BID: variants seen among roughly 807,000 people sequenced by gnomAD.
The protein encoded by BID is BH3 interacting domain death agonist, also known as BH3-interacting domain death agonist.
In BID, 19 loss-of-function variants were observed where a neutral mutation model predicts 17.4. That is an observed-to-expected ratio of 1.09 (90% CI 0.76 to 1.60). BID has a LOEUF of 1.60. BID is among the 40% of genes most tolerant of loss of function. The pLI, the probability that BID is intolerant of heterozygous loss-of-function variation, is 0.00. For missense variants in BID, 226 were observed against 256.0 expected (o/e 0.88, Z 0.80); for synonymous variants, 108 against 102.8 (o/e 1.05, Z -0.31).
chr22:17,736,234 G>A (rs2061418427), intron 5 of BID, among the ~76,000 whole-genome samples: 2 of 152,252 alleles, frequency 1.3e-5, no homozygotes, highest in Non-Finnish European at 1.5e-5. Context: ...GCCGAGGTGG[G>A]CGGATCACCT....
intron 1 of BID, among the ~76,000 whole-genome samples, chr22:17,760,936 G>A (rs536725853): frequency 6.6e-6 from 1 of 152,264 alleles, no homozygotes; most frequent in East Asian, 1.9e-4. Flanking sequence ...GAGCAAGGGA[G>A]GGCACTGACA....
intron 1 of BID, among the ~76,000 whole-genome samples, chr22:17,756,424 CT>C (rs1209117564): frequency 1.8e-5 from 1 of 54,094 alleles, no homozygotes; most frequent in African/African-American, 5.2e-5. Flanking sequence ...TTCTTTCTTT[CT>C]TTCTTTCTTC....
chr22:17,736,627 A>ATGTT (rs1417419806), intron 5 of BID, among the ~76,000 whole-genome samples: 1 of 152,102 alleles, frequency 6.6e-6, no homozygotes. Context: ...TGAACACTGT[A>ATGTT]TGTTTGTTTT....
At chr22:17,756,817 G>GC (rs1569048122) in intron 1 of BID, among the ~76,000 whole-genome samples, 3 of 151,828 alleles carry the variant, frequency 2.0e-5, no homozygotes, top group South Asian at 4.2e-4. Flanking sequence ...CTTGCGATCC[G>GC]CCCCCCTCAG....
At chr22:17,739,924 C>T in intron 3 of BID, 1 of 759,170 alleles carries the variant, frequency 1.3e-6, no homozygotes, top group Non-Finnish European at 2.2e-6. Context: ...CCTGAGAGCC[C>T]CCATTCCTCG....
chr22:17,744,117 AG>A, intron 2 of BID, 104 bp from the exon 3 acceptor site: 1 of 1,058,526 alleles, frequency 9.4e-7, no homozygotes, highest in Non-Finnish European at 1.4e-6. Context: ...CACAGGTCCC[AG>A]AGAGCTGAGG....
chr22:17,762,464 C>A (rs985520486), intron 1 of BID, among the ~76,000 whole-genome samples: 2 of 152,120 alleles, frequency 1.3e-5, no homozygotes, highest in Non-Finnish European at 2.9e-5. Flanking sequence ...CCACTGCACT[C>A]CAGCCTGGTC....
chr22:17,744,291 C>T (rs1029613671), intron 2 of BID, among the ~76,000 whole-genome samples: 4 of 152,308 alleles, frequency 2.6e-5, no homozygotes, highest in Non-Finnish European at 4.4e-5. Context: ...CTGAAACACG[C>T]GGCTGGGGAG....
intron 1 of BID, among the ~76,000 whole-genome samples, chr22:17,757,307 G>A (rs1379793184): frequency 6.6e-6 from 1 of 150,670 alleles, no homozygotes; most frequent in East Asian, 2.0e-4. Context: ...CCCAGCTACT[G>A]GGGAAGGATT....
rs753717565 is a variant in BID at position 17,753,678 on chromosome 22, A to C, written c.-58-3504T>G. Among the ~76,000 whole-genome samples the C allele has an allele frequency of 2.0e-5, 3 of 152,214 alleles. No individual in the cohort carries two copies. In the South Asian group the frequency reaches 6.2e-4, roughly 31 times the overall value. On this transcript the variant is annotated intron_variant, in intron 1 of 5. Coordinates refer to ENST00000622694, the MANE Select transcript of BID (RefSeq NM_001196.4). ...CGGCCCTACGCCCATCCCAACTCCT[A>C]AACAAAGTTGCTAGTAAGAAGGAAA...
At chr22:17,736,757 C>T (rs2061422747) in intron 5 of BID, among the ~76,000 whole-genome samples, 1 of 151,932 alleles carries the variant, frequency 6.6e-6, no homozygotes, top group Admixed American at 6.6e-5. Flanking sequence ...GAGGAGCTGC[C>T]TCAACCTCCA....
intron 2 of BID, among the ~76,000 whole-genome samples, chr22:17,748,374 G>A (rs2061510784): frequency 6.6e-6 from 1 of 151,290 alleles, no homozygotes; most frequent in Non-Finnish European, 1.5e-5. Context: ...CGGGCGTGGT[G>A]GCGGGCGCCT....
At chr22:17,753,189 A>T (rs2061554411) in intron 1 of BID, among the ~76,000 whole-genome samples, 1 of 151,098 alleles carries the variant, frequency 6.6e-6, no homozygotes. Context: ...GATGGTCTTG[A>T]TCTCCTGACC....
chr22:17,738,211 C>T lies in BID; in HGVS notation c.382G>A (p.Ala128Thr). The change falls in exon 5 of 6, where the codon GCC becomes ACC. Residue 128 changes from alanine (A) to threonine (T), a missense_variant. Ala to Thr is a moderately conservative substitution (Grantham distance 58, BLOSUM62 0). Transcript: ENST00000622694. ...TGCAGCAGCTGCTCCAGGGCAGTGG[C>T]CAGGTCCCTGTTCCGGTCCTGCACA... ...RSEEDRNRDLATALEQLLQAY... is the reference protein window; with the variant it reads ...RSEEDRNRDLTTALEQLLQAY... The T allele has an allele frequency of 6.2e-7, 1 of 1,611,310 alleles. No individual in the cohort carries two copies. Among genetic ancestry groups the T allele is most frequent in the Non-Finnish European group, 8.5e-7 (1 of 1,179,972 alleles).
intron 1 of BID, among the ~76,000 whole-genome samples, chr22:17,768,715 T>C (rs1409788414): frequency 1.3e-5 from 2 of 151,880 alleles, no homozygotes; most frequent in East Asian, 1.9e-4. Context: ...CTACTAAAAA[T>C]AGAAAAAATT....
At chr22:17,756,881 T>C (rs181396110) in intron 1 of BID, among the ~76,000 whole-genome samples, 2 of 152,094 alleles carry the variant, frequency 1.3e-5, no homozygotes, top group Admixed American at 1.3e-4. Context: ...CCGCAAAGGA[T>C]TCTTTAACAC....
At chr22:17,745,947 C>G (rs1035726930) in intron 2 of BID, among the ~76,000 whole-genome samples, 1 of 151,754 alleles carries the variant, frequency 6.6e-6, no homozygotes, top group Admixed American at 6.6e-5. Context: ...GCCTGGGGGA[C>G]GAGAGCCAGA....
Position 17,750,090 on chromosome 22 carries a change from G to T in BID, c.12+15C>A, listed in dbSNP as rs2061525630. ...CGCCCCCCACAAGGCACCCGCAGGG[G>T]ATCTGGCCTCTGACCTCACAGTCCA... is the stretch of plus-strand genomic sequence containing the variant. On this transcript the variant is annotated intron_variant, in intron 2 of 5. Coordinates refer to ENST00000622694, the MANE Select transcript of BID (RefSeq NM_001196.4). The T allele has an allele frequency of 6.2e-7, 1 of 1,611,884 alleles. No individual in the cohort carries two copies. The highest frequency in any genetic ancestry group is 8.5e-7 in the Non-Finnish European group (1 of 1,179,544).
chr22:17,767,572 C>T (rs929664522), intron 1 of BID, among the ~76,000 whole-genome samples: 1 of 152,152 alleles, frequency 6.6e-6, no homozygotes, highest in Non-Finnish European at 1.5e-5. Context: ...ACACAGAGAA[C>T]GAAGTCTGAT....
Sources: allele counts gnomAD v4.1 joint callset (sites outside exome capture counted in the v4.1 genomes callset), GRCh38; gene constraint gnomAD v4.1.1; transcripts MANE v1.5; gene names NCBI Gene and HGNC (gene_info 2026-07-23, HGNC 2026-07-21).